The following ACO1 variants were observed in gnomAD, a reference collection of about 807,000 sequenced individuals.
ACO1 encodes aconitase 1.
ACO1 carries 78 observed loss-of-function variants against 105.1 expected under a neutral mutation model. That is an observed-to-expected ratio of 0.74 (90% CI 0.62 to 0.90). The LOEUF is 0.90. Ranked by LOEUF, ACO1 falls within the 40% of genes least tolerant of loss-of-function variation. The pLI, the probability that ACO1 is intolerant of heterozygous loss-of-function variation, is 0.00. For missense variants in ACO1, 965 were observed against 1,111.1 expected, an observed-to-expected ratio of 0.87 and a Z score of 1.87; for synonymous variants, 364 against 397.4, an observed-to-expected ratio of 0.92 and a Z score of 1.00.
chr9:32,393,873 T>C (rs1821317447), intron 1 of ACO1, among the ~76,000 whole-genome samples: 1 of 152,180 alleles, frequency 6.6e-6, no homozygotes, highest in Non-Finnish European at 1.5e-5. Flanking sequence ...TTGACTGTAA[T>C]AACACCGTAA....
At chr9:32,440,924 C>T (rs989292225) in intron 19 of ACO1, among the ~76,000 whole-genome samples, 1 of 152,134 alleles carries the variant, frequency 6.6e-6, no homozygotes, top group African/African-American at 2.4e-5. Flanking sequence ...GCTTTTATAA[C>T]ATTCTCAGAG....
intron 2 of ACO1, among the ~76,000 whole-genome samples, chr9:32,406,380 G>A (rs889856150): frequency 5.3e-5 from 8 of 152,136 alleles, no homozygotes; most frequent in South Asian, 2.1e-4. Flanking sequence ...CCTGCACTTC[G>A]GGAGGCCAAA....
At chr9:32,407,733 G>T (rs997188208) in intron 3 of ACO1, among the ~76,000 whole-genome samples, 1 of 152,086 alleles carries the variant, frequency 6.6e-6, no homozygotes, top group Non-Finnish European at 1.5e-5. Flanking sequence ...CAAAGAAATA[G>T]CATGGAATAG....
At chr9:32,434,382 G>A (rs753099555) in intron 16 of ACO1, among the ~76,000 whole-genome samples, 177 bp from the exon 17 acceptor site, 1 of 152,196 alleles carries the variant, frequency 6.6e-6, no homozygotes, top group Non-Finnish European at 1.5e-5. Flanking sequence ...AATGTTTTGA[G>A]TAAATTCACC....
intron 1 of ACO1, among the ~76,000 whole-genome samples, chr9:32,398,719 G>A (rs1000491139): frequency 3.3e-5 from 5 of 151,696 alleles, no homozygotes; most frequent in African/African-American, 4.8e-5. Context: ...TCAGCCTCTC[G>A]AGTAGCTGGG....
At chr9:32,432,227 C>T (rs577031600) in intron 15 of ACO1, among the ~76,000 whole-genome samples, 1 of 152,256 alleles carries the variant, frequency 6.6e-6, no homozygotes, top group African/African-American at 2.4e-5. Context: ...TCTCAGAATG[C>T]ATTTTTGCAC....
chr9:32,430,321 CTG>C, intron 13 of ACO1, 95 bp from the exon 14 acceptor site: 1 of 1,281,394 alleles, frequency 7.8e-7, no homozygotes, highest in East Asian at 2.5e-5. Context: ...GCTTAAAGGA[CTG>C]TATCCTTGCG....
At position 32,453,715 on chromosome 9, in the gene ACO1, T is replaced by C. The variant is rs1179964111; in HGVS notation, c.*3604T>C. The C allele has an allele frequency of 6.6e-6, 1 of 152,220 alleles. No individual in the cohort carries two copies. The highest frequency in any genetic ancestry group is 1.5e-5 in the Non-Finnish European group (1 of 68,048). The allele number at this position is 152,220 out of a possible 1,614,324, so 9.4% of individuals were successfully genotyped here. A position where few individuals can be genotyped will look rare whatever the true frequency, so the allele number is the denominator to read the frequency against. On this transcript the variant is annotated 3_prime_UTR_variant, in exon 21 of 21. Coordinates refer to ENST00000309951, the MANE Select transcript of ACO1 (RefSeq NM_002197.3). ...GGGCTCTAACAGGACTGTGGAGTAA[T>C]GTACGGGGTTATGTAGGAGCAATGC...
Position 32,453,357 on chromosome 9 carries a change from G to GAAAAAGA in ACO1, c.*3251_*3252insGAAAAAA, listed in dbSNP as rs1554665019. On this transcript the variant is annotated 3_prime_UTR_variant, in exon 21 of 21. Coordinates refer to ENST00000309951, the MANE Select transcript of ACO1 (RefSeq NM_002197.3). The stretch of plus-strand genomic sequence containing the variant: ...GAAGCACAGCTCAAATTAGCTTAAG[G>GAAAAAGA]AAAAAAAAAAAAAAGCTGGCTCATA... 6.0e-4 allele frequency: 85 copies of GAAAAAGA among 141,302 alleles called. No homozygotes were observed. Among genetic ancestry groups the GAAAAAGA allele is most frequent in the African/African-American group, 2.1e-3 (82 of 38,430 alleles). 8.8% of individuals were successfully genotyped at this position (141,302 alleles called of 1,614,324 possible).
intron 16 of ACO1, 110 bp from the exon 17 acceptor site, chr9:32,434,449 G>A (rs940038597): frequency 7.8e-7 from 1 of 1,273,970 alleles, no homozygotes; most frequent in South Asian, 1.4e-5. Context: ...CTGTGCATTG[G>A]TGTGGAACTG....
At chr9:32,409,269 C>A (rs1821682409) in intron 4 of ACO1, among the ~76,000 whole-genome samples, 1 of 152,192 alleles carries the variant, frequency 6.6e-6, no homozygotes, top group South Asian at 2.1e-4. Context: ...GGGCCTGTAG[C>A]CCTTGAAGGG....
chr9:32,433,850 T>G lies in ACO1; in HGVS notation c.1956+18T>G, dbSNP rs1171793157. The G allele has an allele frequency of 1.9e-6, 3 of 1,545,708 alleles. No homozygotes were observed. Among genetic ancestry groups the G allele is most frequent in the Non-Finnish European group, 2.6e-6 (3 of 1,134,820 alleles). ...AAAACCTGGTATGGCTTTTTATTTT[T>G]TAACAAAATGAATTCTTTGAAGGGT... On this transcript the variant is annotated intron_variant, in intron 16 of 20. Coordinates refer to ENST00000309951, the MANE Select transcript of ACO1 (RefSeq NM_002197.3).
rs1462711836 is a variant in ACO1 at position 32,451,180 on chromosome 9, A to ATAATGTAATGCCATAGACT, written c.*1070_*1088dup. On this transcript the variant is annotated 3_prime_UTR_variant, in exon 21 of 21. Transcript: ENST00000309951. The stretch of plus-strand genomic sequence containing the variant: ...CATGCCTTAGTTTGCTTGGGTTGCT[A>ATAATGTAATGCCATAGACT]TAATGTAATGCCATAGACTGGCTGA... 2.0e-5 allele frequency: 3 copies of ATAATGTAATGCCATAGACT among 152,162 alleles called. No individual in the cohort carries two copies. Among genetic ancestry groups the ATAATGTAATGCCATAGACT allele is most frequent in the African/African-American group, 7.2e-5 (3 of 41,438 alleles). 9.4% of individuals were successfully genotyped at this position (152,162 alleles called of 1,614,324 possible).
intron 4 of ACO1, among the ~76,000 whole-genome samples, chr9:32,409,731 G>C (rs10970966): frequency 6.6e-6 from 1 of 151,916 alleles, no homozygotes; most frequent in East Asian, 1.9e-4. Context: ...GTGTGTGCCT[G>C]TGGTCCCAGC....
chr9:32,386,768 G>A (rs1402611956), intron 1 of ACO1, among the ~76,000 whole-genome samples: 2 of 151,670 alleles, frequency 1.3e-5, no homozygotes, highest in Middle Eastern at 3.4e-3. Flanking sequence ...CACTTTGATG[G>A]TGGGGTCTCA....
intron 8 of ACO1, among the ~76,000 whole-genome samples, chr9:32,422,487 G>A (rs1821996553): frequency 6.6e-6 from 1 of 152,182 alleles, no homozygotes; most frequent in South Asian, 2.1e-4. Flanking sequence ...CAAAAGTTCT[G>A]ATCAGTGGTA....
chr9:32,436,076 T>C, intron 17 of ACO1, 174 bp from the exon 18 acceptor site: 1 of 813,716 alleles, frequency 1.2e-6, no homozygotes, highest in Non-Finnish European at 2.1e-6. Context: ...CTCTCTCTTC[T>C]CCGTTGAAGC....
At position 32,429,506 on chromosome 9, in the gene ACO1, A is replaced by G; in HGVS notation, c.1569+3A>G. The G allele has an allele frequency of 6.2e-7, 1 of 1,613,448 alleles. No individual in the cohort carries two copies. Among genetic ancestry groups the G allele is most frequent in the Non-Finnish European group, 8.5e-7 (1 of 1,179,418 alleles). ...CTGTGGTAGAAGCCATCACACAGGT[A>G]ATTGCAGAGGTCCCTGCAGGTCTTC... is the stretch of plus-strand genomic sequence containing the variant. On this transcript the variant is annotated splice_donor_region_variant and intron_variant, in intron 13 of 20. Transcript: ENST00000309951.
Position 32,420,884 on chromosome 9 carries a change from A to G in ACO1, c.827A>G (p.Lys276Arg). 2.5e-6 allele frequency: 4 copies of G among 1,613,824 alleles called. No homozygotes were observed. The highest frequency in any genetic ancestry group is 3.4e-6 in the Non-Finnish European group (4 of 1,179,814). The change falls in exon 8 of 21, where the codon AAA (lysine) becomes AGA (arginine). Residue 276 changes from lysine to arginine, a missense_variant. Coordinates refer to ENST00000309951, the MANE Select transcript of ACO1 (RefSeq NM_002197.3). ...KHLRQVGVVG[K>R]FVEFFGPGVA... ...CTCCGCCAGGTTGGGGTAGTGGGCA[A>G]ATTTGTCGAGTTCTTCGGGCCTGGA...
Sources: gnomAD v4.1 joint callset for allele counts (sites outside exome capture counted in the v4.1 genomes callset) on GRCh38, gnomAD v4.1.1 for gene constraint, MANE v1.5 for transcripts, NCBI Gene and HGNC (gene_info 2026-07-23, HGNC 2026-07-21) for gene names.